TM9SF2: variants seen among roughly 807,000 people sequenced by gnomAD.
The protein encoded by TM9SF2 is transmembrane 9 superfamily member 2.
TM9SF2 carries 13 observed loss-of-function variants against 84.9 expected under a neutral mutation model. The ratio of observed to expected loss-of-function variants is 0.15; its 90% confidence interval spans 0.10 to 0.24. The LOEUF (loss-of-function observed/expected upper bound fraction) is 0.24, where lower values mean the gene tolerates loss of function less well. TM9SF2 is among the 10% of genes least tolerant of loss of function. The probability of loss-of-function intolerance (pLI) is 1.00; values close to 1 mark genes in which losing one functional copy is unlikely to be tolerated. For missense variants in TM9SF2, 562 were observed against 818.5 expected (o/e 0.69, Z 3.82); for synonymous variants, 273 against 285.8 (o/e 0.96, Z 0.45).
intron 1 of TM9SF2, chr13:99,514,370 G>A (rs1168415315): frequency 6.6e-6 from 1 of 152,110 alleles, no homozygotes; most frequent in Non-Finnish European, 1.5e-5. Flanking sequence ...CATTTTGATT[G>A]TACCTATTCT....
chr13:99,552,178 C>G lies in TM9SF2; in HGVS notation c.1340C>G (p.Ala447Gly), dbSNP rs1566573243. 1.2e-6 allele frequency: 2 copies of G among 1,613,350 alleles called. No homozygotes were observed. The highest frequency in any genetic ancestry group is 2.7e-5 in the African/African-American group (2 of 75,028). ...TSFLCPGIVF[A>G]DFFIMNLILW... ...GTTGTGTCTTTCAGGATTGTATTTG[C>G]TGACTTCTTTATAATGAATCTGATC... The change falls in exon 13 of 17, where the codon GCT becomes GGT. Residue 447 changes from alanine to glycine, a missense_variant. This residue lies in a region of TM9SF2 where 219 missense variants were observed against 338.1 expected (regional missense o/e 0.65). Coordinates refer to ENST00000376387, the MANE Select transcript of TM9SF2 (RefSeq NM_004800.3).
At chr13:99,551,519 G>C (rs1163578401) in intron 12 of TM9SF2, among the ~76,000 whole-genome samples, 3 of 152,202 alleles carry the variant, frequency 2.0e-5, no homozygotes, top group Non-Finnish European at 4.4e-5. Context: ...GTTAGGGAAG[G>C]CTTTCTTCTC....
chr13:99,533,414 T>C (rs575887206), intron 4 of TM9SF2, among the ~76,000 whole-genome samples: 5 of 152,310 alleles, frequency 3.3e-5, no homozygotes, highest in African/African-American at 9.6e-5. Flanking sequence ...GCAACTAAAA[T>C]ATTGTACACG....
At chr13:99,543,546 G>A (rs533275890) in intron 9 of TM9SF2, among the ~76,000 whole-genome samples, 2 of 152,324 alleles carry the variant, frequency 1.3e-5, no homozygotes, top group Admixed American at 6.5e-5. Flanking sequence ...ACTAAAAATC[G>A]TCATCAAGTC....
At chr13:99,522,795 A>G (rs1485446729) in intron 3 of TM9SF2, among the ~76,000 whole-genome samples, 2 of 152,226 alleles carry the variant, frequency 1.3e-5, no homozygotes, top group East Asian at 1.9e-4. Context: ...CTTTGAAGGC[A>G]GGTTACTCCC....
intron 4 of TM9SF2, among the ~76,000 whole-genome samples, chr13:99,534,193 C>G (rs1180883603): frequency 6.6e-6 from 1 of 152,118 alleles, no homozygotes. Flanking sequence ...ATATAATTAA[C>G]TAGTTATCAG....
intron 9 of TM9SF2, among the ~76,000 whole-genome samples, chr13:99,542,672 G>A (rs957846043): frequency 2.6e-5 from 4 of 151,944 alleles, no homozygotes; most frequent in Non-Finnish European, 5.9e-5. Flanking sequence ...TTTAACGTTT[G>A]TACTCTATAG....
In TM9SF2 at chr13:99,536,569, TG is replaced by T. The variant is rs61006753; in HGVS notation, c.462-36del. ...GGCAGTAATTCTTTGTCATGTTTGG[TG>T]GGTTCTTTTCTAACTTAACTCCTCT... is the stretch of plus-strand genomic sequence containing the variant. On this transcript the variant is annotated intron_variant, in intron 4 of 16. Transcript: ENST00000376387. 4.5e-3 allele frequency: 7,137 copies of T among 1,596,868 alleles called. 285 individuals carry two copies. In the African/African-American group the frequency reaches 0.085, roughly 19 times the overall value.
At chr13:99,533,046 G>A (rs2046217729) in intron 4 of TM9SF2, among the ~76,000 whole-genome samples, 1 of 152,190 alleles carries the variant, frequency 6.6e-6, no homozygotes, top group African/African-American at 2.4e-5. Context: ...CTATTTCAGA[G>A]AGATTTTACT....
chr13:99,543,336 A>G (rs1438559302), intron 9 of TM9SF2, among the ~76,000 whole-genome samples: 1 of 152,202 alleles, frequency 6.6e-6, no homozygotes, highest in Admixed American at 6.5e-5. Context: ...CAATGAGATC[A>G]TGTACTCCTG....
At chr13:99,530,099 C>T (rs1001485780) in intron 4 of TM9SF2, among the ~76,000 whole-genome samples, 3 of 150,668 alleles carry the variant, frequency 2.0e-5, no homozygotes, top group Non-Finnish European at 4.4e-5. Context: ...AAAAGGCTGA[C>T]ACAAAGACAG....
At chr13:99,513,074 T>A (rs941295967) in intron 1 of TM9SF2, among the ~76,000 whole-genome samples, 1 of 152,234 alleles carries the variant, frequency 6.6e-6, no homozygotes, top group Non-Finnish European at 1.5e-5. Context: ...GAGAAACAGT[T>A]ACCATGTTTT....
At chr13:99,510,601 G>A (rs1230304632) in intron 1 of TM9SF2, among the ~76,000 whole-genome samples, 1 of 152,132 alleles carries the variant, frequency 6.6e-6, no homozygotes, top group African/African-American at 2.4e-5. Flanking sequence ...AGTGGGGGCA[G>A]GTGCCACACT....
chr13:99,505,384 C>G (rs925146423), intron 1 of TM9SF2, among the ~76,000 whole-genome samples: 1 of 152,180 alleles, frequency 6.6e-6, no homozygotes, highest in Non-Finnish European at 1.5e-5. Flanking sequence ...AACTCCTGAG[C>G]TCTCAGGTGA....
Position 99,517,604 on chromosome 13 carries a change from T to C in TM9SF2, c.172-10T>C. On this transcript the variant is annotated splice_polypyrimidine_tract_variant and intron_variant, in intron 1 of 16. Transcript: ENST00000376387. ...GTTTATATTCTAATTTTGTGTTTCC[T>C]TATTTTCAGGCCGAAATAGAACTAT... 2 of 1,554,410 alleles carry C rather than the reference T, an allele frequency of 1.3e-6. No homozygotes were observed. Among genetic ancestry groups the C allele is most frequent in the South Asian group, 2.5e-5 (2 of 80,568 alleles).
chr13:99,526,442 C>T (rs2046183879), intron 3 of TM9SF2, among the ~76,000 whole-genome samples: 2 of 152,174 alleles, frequency 1.3e-5, no homozygotes. Context: ...TGAGCTTGCA[C>T]AGGGGGCATG....
At position 99,517,600 on chromosome 13, in the gene TM9SF2, T is replaced by C; in HGVS notation, c.172-14T>C. On this transcript the variant is annotated splice_polypyrimidine_tract_variant and intron_variant, in intron 1 of 16. Coordinates refer to ENST00000376387, the MANE Select transcript of TM9SF2 (RefSeq NM_004800.3). ...TGTTGTTTATATTCTAATTTTGTGT[T>C]TCCTTATTTTCAGGCCGAAATAGAA... is the stretch of plus-strand genomic sequence containing the variant. The C allele has an allele frequency of 4.5e-6, 7 of 1,547,938 alleles. No individual in the cohort carries two copies. The highest frequency in any genetic ancestry group is 6.1e-6 in the Non-Finnish European group (7 of 1,147,138).
intron 4 of TM9SF2, among the ~76,000 whole-genome samples, chr13:99,536,150 C>T (rs2046233108): frequency 1.3e-5 from 2 of 152,010 alleles, no homozygotes; most frequent in Admixed American, 1.3e-4. Flanking sequence ...GCTTTGTGTA[C>T]CTATTTAGAG....
Position 99,512,387 on chromosome 13 carries a change from A to G in TM9SF2, c.172-5227A>G, listed in dbSNP as rs9585105. ...GATTTGAAGTGAACCCAGCATTCTG[A>G]TGATACATTCTTTCTAAGGAGAATT... On this transcript the variant is annotated intron_variant, in intron 1 of 16. Coordinates refer to ENST00000376387, the MANE Select transcript of TM9SF2 (RefSeq NM_004800.3). 2.4e-3 allele frequency among the ~76,000 whole-genome samples: 368 copies of G among 152,348 alleles called. 2 individuals are homozygous for G. The highest frequency in any genetic ancestry group is 8.2e-3 in the African/African-American group (340 of 41,572).
Sources: gnomAD v4.1 joint callset for allele counts (sites outside exome capture counted in the v4.1 genomes callset) on GRCh38, gnomAD v4.1.1 for gene constraint, gnomAD v4.1.1 regional missense constraint, MANE v1.5 for transcripts, NCBI Gene and HGNC (gene_info 2026-07-23, HGNC 2026-07-21) for gene names.